EPHA6: variants seen among roughly 807,000 people sequenced by gnomAD.
EPHA6 encodes EPH receptor A6, also known as ephrin type-A receptor 6.
A neutral mutation model predicts 112.0 loss-of-function variants in EPHA6; 50 were observed. The ratio of observed to expected loss-of-function variants is 0.45; its 90% CI spans 0.36 to 0.56. The LOEUF (loss-of-function observed/expected upper bound fraction) is 0.56, where lower values mean the gene tolerates loss of function less well. Among genes scored for constraint, EPHA6 ranks in the 20% least tolerant of loss-of-function variants. EPHA6 has a pLI of 0.00. For synonymous variants in EPHA6, 529 were observed against 490.7 expected (o/e 1.08, Z -1.03); for missense variants, 1,280 against 1,417.4 (o/e 0.90, Z 1.56).
chr3:97,145,927 T>C (rs1241204655), intron 3 of EPHA6, among the ~76,000 whole-genome samples: 1 of 151,674 alleles, frequency 6.6e-6, no homozygotes, highest in Non-Finnish European at 1.5e-5. Flanking sequence ...CATATTTACC[T>C]ATGAATTTTT....
intron 5 of EPHA6, among the ~76,000 whole-genome samples, chr3:97,377,736 C>T (rs879671875): frequency 3.2e-4 from 49 of 152,086 alleles, no homozygotes; most frequent in Non-Finnish European, 6.0e-4. Context: ...AAGAGACTGG[C>T]GGCATTTTGC....
chr3:97,239,838 T>C (rs2078790611), intron 4 of EPHA6, among the ~76,000 whole-genome samples: 1 of 151,904 alleles, frequency 6.6e-6, no homozygotes, highest in Non-Finnish European at 1.5e-5. Flanking sequence ...CAGTTCAAAA[T>C]GCATGTTGTT....
At chr3:97,599,141 A>G (rs1251743007) in intron 12 of EPHA6, among the ~76,000 whole-genome samples, 1 of 151,746 alleles carries the variant, frequency 6.6e-6, no homozygotes, top group African/African-American at 2.4e-5. Flanking sequence ...AATTTGTTTG[A>G]GTTCATTGTA....
intron 2 of EPHA6, among the ~76,000 whole-genome samples, chr3:96,902,749 T>C (rs1312586789): frequency 6.6e-6 from 1 of 152,188 alleles, no homozygotes; most frequent in African/African-American, 2.4e-5. Context: ...TTTTCTCCCC[T>C]TCCTTTTAAT....
At chr3:97,325,455 G>A (rs967766820) in intron 5 of EPHA6, among the ~76,000 whole-genome samples, 1 of 152,054 alleles carries the variant, frequency 6.6e-6, no homozygotes, top group Non-Finnish European at 1.5e-5. Context: ...ATTGGATTAG[G>A]GCTCACTCTT....
At chr3:97,491,335 A>G (rs1462306445) in intron 10 of EPHA6, among the ~76,000 whole-genome samples, 3 of 152,180 alleles carry the variant, frequency 2.0e-5, no homozygotes, top group African/African-American at 7.2e-5. Flanking sequence ...CTTCAGTCCA[A>G]TTCACATCAA....
At position 97,579,363 on chromosome 3, in the gene EPHA6, G is replaced by C. The variant is rs551771055; in HGVS notation, c.2387-13249G>C. On this transcript the variant is annotated intron_variant, in intron 11 of 17. Coordinates refer to ENST00000389672, the MANE Select transcript of EPHA6 (RefSeq NM_001080448.3). The stretch of plus-strand genomic sequence containing the variant: ...TACTCAGTTAAGACACATTCGATCT[G>C]AAATCTATATGACTTTGAGTATAAA... 5.9e-5 allele frequency among the ~76,000 whole-genome samples: 9 copies of C among 152,330 alleles called. No homozygotes were observed. In the South Asian group the frequency reaches 8.3e-4, roughly 14 times the overall value.
intron 2 of EPHA6, among the ~76,000 whole-genome samples, chr3:96,923,429 T>C (rs2039875755): frequency 6.6e-6 from 1 of 152,246 alleles, no homozygotes; most frequent in Admixed American, 6.5e-5. Context: ...GTTGACTGCA[T>C]GCATGTCTTC....
intron 14 of EPHA6, among the ~76,000 whole-genome samples, chr3:97,640,915 G>T (rs2093997809): frequency 6.6e-6 from 1 of 152,090 alleles, no homozygotes; most frequent in Admixed American, 6.6e-5. Context: ...CTTTAATTAG[G>T]GCAATGACAG....
intron 1 of EPHA6, among the ~76,000 whole-genome samples, chr3:96,842,660 G>A (rs1032974020): frequency 1.3e-5 from 2 of 151,986 alleles, no homozygotes; most frequent in African/African-American, 2.4e-5. Flanking sequence ...ATACCTTTAA[G>A]GGTTAATTAC....
At chr3:97,100,247 T>C (rs2047363729) in intron 3 of EPHA6, among the ~76,000 whole-genome samples, 1 of 149,278 alleles carries the variant, frequency 6.7e-6, no homozygotes, top group African/African-American at 2.4e-5. Flanking sequence ...TATATATATC[T>C]ATATATTTTA....
At chr3:97,499,595 G>GTA (rs1560073725) in intron 10 of EPHA6, among the ~76,000 whole-genome samples, 4 of 152,114 alleles carry the variant, frequency 2.6e-5, no homozygotes, top group African/African-American at 9.7e-5. Flanking sequence ...AAGCTATATG[G>GTA]TATAGCCTAT....
At chr3:97,022,705 G>A (rs968091551) in intron 3 of EPHA6, among the ~76,000 whole-genome samples, 2 of 152,274 alleles carry the variant, frequency 1.3e-5, no homozygotes, top group African/African-American at 4.8e-5. Flanking sequence ...CCTAATTCCT[G>A]TAATTCTGAA....
intron 2 of EPHA6, among the ~76,000 whole-genome samples, chr3:96,974,799 G>T (rs1479746932): frequency 6.6e-6 from 1 of 152,134 alleles, no homozygotes. Flanking sequence ...TTGACAGGAT[G>T]CCAGGAGGAA....
chr3:97,597,738 A>G (rs753131901), intron 12 of EPHA6, among the ~76,000 whole-genome samples: 1 of 152,360 alleles, frequency 6.6e-6, no homozygotes, highest in Non-Finnish European at 1.5e-5. Flanking sequence ...CAGGGAAAAT[A>G]TTGTATTCAC....
intron 2 of EPHA6, among the ~76,000 whole-genome samples, chr3:96,972,191 C>G (rs2042339718): frequency 6.6e-6 from 1 of 151,798 alleles, no homozygotes; most frequent in Non-Finnish European, 1.5e-5. Context: ...GACTATTCCC[C>G]CTTTATATAT....
At chr3:97,254,206 T>G (rs1474135263) in intron 5 of EPHA6, among the ~76,000 whole-genome samples, 1 of 152,188 alleles carries the variant, frequency 6.6e-6, no homozygotes, top group African/African-American at 2.4e-5. Flanking sequence ...TGTTTGTTTT[T>G]GAGGCAGAGT....
At chr3:97,164,815 T>C (rs1221396512) in intron 3 of EPHA6, among the ~76,000 whole-genome samples, 1 of 152,124 alleles carries the variant, frequency 6.6e-6, no homozygotes, top group Non-Finnish European at 1.5e-5. Flanking sequence ...TGTCACTTAC[T>C]TATCTTTATT....
chr3:97,726,856 G>A (rs1402352650), intron 15 of EPHA6, among the ~76,000 whole-genome samples: 2 of 151,918 alleles, frequency 1.3e-5, no homozygotes, highest in Admixed American at 1.3e-4. Flanking sequence ...ACGAACAGCA[G>A]GCAACATTAA....
Sources: gnomAD v4.1 joint callset for allele counts (sites outside exome capture counted in the v4.1 genomes callset) on GRCh38, gnomAD v4.1.1 for gene constraint, MANE v1.5 for transcripts, NCBI Gene and HGNC (gene_info 2026-07-23, HGNC 2026-07-21) for gene names.